ANGPTL2: variants seen among roughly 807,000 people sequenced by gnomAD.
The protein encoded by ANGPTL2 is angiopoietin like 2.
ANGPTL2 carries 25 observed loss-of-function variants against 52.8 expected under a neutral mutation model. The observed-to-expected ratio is 0.47, with a 90% confidence interval of 0.35 to 0.66. The LOEUF is 0.66. Ranked by LOEUF, ANGPTL2 falls within the 30% of genes least tolerant of loss-of-function variation. The probability of loss-of-function intolerance (pLI) is 0.01; values close to 1 mark genes in which losing one functional copy is unlikely to be tolerated. For missense variants in ANGPTL2, 546 were observed against 656.9 expected (o/e 0.83, Z 1.84); for synonymous variants, 276 against 277.4 (o/e 1.00, Z 0.05).
rs747744154 is a variant in ANGPTL2 at position 127,092,590 on chromosome 9, A to G, written c.1012-650T>C. On this transcript the variant is annotated intron_variant, in intron 3 of 4. Coordinates refer to ENST00000373425, the MANE Select transcript of ANGPTL2 (RefSeq NM_012098.3). Reference sequence around the variant, plus strand: ...GCTGGCACTGTTTTAAGAACTTTACATAGGTTGTTTTACTAATCCTCATGT... The same window carrying G: ...GCTGGCACTGTTTTAAGAACTTTACGTAGGTTGTTTTACTAATCCTCATGT... 4.6e-5 allele frequency among the ~76,000 whole-genome samples: 7 copies of G among 152,164 alleles called. No homozygotes were observed. In the East Asian group the frequency reaches 9.6e-4, roughly 21 times the overall value.
At position 127,088,628 on chromosome 9, in the gene ANGPTL2, A is replaced by G. The variant is rs2052058916; in HGVS notation, c.*311T>C. On this transcript the variant is annotated 3_prime_UTR_variant, in exon 5 of 5. Coordinates refer to ENST00000373425, the MANE Select transcript of ANGPTL2 (RefSeq NM_012098.3). The stretch of plus-strand genomic sequence containing the variant: ...ACAAGGGAGGCTCATACACATGTAT[A>G]TTATGAAGGTACTTTGCAGTTGTGT... 1 of 415,530 alleles carries G rather than the reference A, an allele frequency of 2.4e-6. No homozygotes were observed. 25.7% of individuals were successfully genotyped at this position (415,530 alleles called of 1,614,324 possible). A position where few individuals can be genotyped will look rare whatever the true frequency, so the allele number is the denominator to read the frequency against.
At chr9:127,101,958 C>T (rs1273315827) in intron 2 of ANGPTL2, among the ~76,000 whole-genome samples, 1 of 152,122 alleles carries the variant, frequency 6.6e-6, no homozygotes, top group East Asian at 1.9e-4. Context: ...TGTAGTTCCA[C>T]AGGCTCATCT....
At chr9:127,093,704 C>A in intron 3 of ANGPTL2, 29 bp downstream of exon 3, 1 of 1,610,852 alleles carries the variant, frequency 6.2e-7, no homozygotes, top group Non-Finnish European at 8.5e-7. Flanking sequence ...ACCTTGTGGG[C>A]AGCACAGACA....
chr9:127,104,939 G>A (rs1318731455), intron 2 of ANGPTL2, among the ~76,000 whole-genome samples: 1 of 152,214 alleles, frequency 6.6e-6, no homozygotes, highest in East Asian at 1.9e-4. Context: ...CAAGCTCTCT[G>A]AACAGACCTG....
At chr9:127,114,138 T>C (rs2055152109) in intron 1 of ANGPTL2, among the ~76,000 whole-genome samples, 1 of 152,218 alleles carries the variant, frequency 6.6e-6, no homozygotes, top group South Asian at 2.1e-4. Context: ...GGCCTGTTAT[T>C]TGAGGGCCGC....
intron 4 of ANGPTL2, among the ~76,000 whole-genome samples, chr9:127,090,501 G>A (rs1037364354): frequency 2.0e-5 from 3 of 152,214 alleles, no homozygotes; most frequent in African/African-American, 7.2e-5. Flanking sequence ...TACAGGGATG[G>A]GCAGGTCATG....
rs1451024172 is a variant in ANGPTL2 at position 127,088,342 on chromosome 9, C to G, written c.*597G>C. On this transcript the variant is annotated 3_prime_UTR_variant, in exon 5 of 5. Coordinates refer to ENST00000373425, the MANE Select transcript of ANGPTL2 (RefSeq NM_012098.3). ...GTGAGAGATTAGCATTGTAGACATT[C>G]TGGAAGAATCCAGGCACACAGATGC... The G allele has an allele frequency of 6.6e-6, 1 of 152,520 alleles. No homozygotes were observed. Among genetic ancestry groups the G allele is most frequent in the African/African-American group, 2.4e-5 (1 of 41,436 alleles). 9.4% of individuals were successfully genotyped at this position (152,520 alleles called of 1,614,324 possible).
At chr9:127,093,952 T>C in intron 2 of ANGPTL2, 26 bp from the exon 3 acceptor site, 4 of 1,603,582 alleles carry the variant, frequency 2.5e-6, no homozygotes, top group Non-Finnish European at 3.4e-6. Flanking sequence ...TGCATATACA[T>C]CACAGACCTG....
At chr9:127,121,733 C>G (rs905019515) in intron 1 of ANGPTL2, among the ~76,000 whole-genome samples, 1 of 152,240 alleles carries the variant, frequency 6.6e-6, no homozygotes. Context: ...GCAGCAGCCC[C>G]TGGGTGATGC....
intron 2 of ANGPTL2, among the ~76,000 whole-genome samples, chr9:127,105,888 G>A (rs2054170798): frequency 6.6e-6 from 1 of 152,214 alleles, no homozygotes; most frequent in Non-Finnish European, 1.5e-5. Context: ...TAGGGGCTCA[G>A]CAAATGTTGG....
chr9:127,089,661 C>T (rs1427348582), intron 4 of ANGPTL2, among the ~76,000 whole-genome samples: 1 of 152,218 alleles, frequency 6.6e-6, no homozygotes, highest in Non-Finnish European at 1.5e-5. Flanking sequence ...CCAGTCCTCC[C>T]CAGCTTGTAT....
intron 2 of ANGPTL2, among the ~76,000 whole-genome samples, chr9:127,095,484 A>G (rs982827179): frequency 3.3e-5 from 5 of 152,274 alleles, no homozygotes; most frequent in African/African-American, 7.2e-5. Flanking sequence ...TATGTTTTCT[A>G]TCAATTTGTA....
chr9:127,105,201 T>G (rs544532865), intron 2 of ANGPTL2, among the ~76,000 whole-genome samples: 2 of 152,152 alleles, frequency 1.3e-5, no homozygotes, highest in Admixed American at 1.3e-4. Context: ...GTACCAACAT[T>G]TGGGGATCCT....
At chr9:127,095,522 C>A (rs921345239) in intron 2 of ANGPTL2, among the ~76,000 whole-genome samples, 5 of 152,240 alleles carry the variant, frequency 3.3e-5, no homozygotes, top group Admixed American at 2.0e-4. Context: ...TGTATTGAGT[C>A]CCAGCCTCTG....
At position 127,094,157 on chromosome 9, in the gene ANGPTL2, C is replaced by T. The variant is rs77256660; in HGVS notation, c.818-231G>A. Among the ~76,000 whole-genome samples the T allele has an allele frequency of 4.3e-3, 662 of 152,250 alleles. 7 individuals carry two copies. The highest frequency in any genetic ancestry group is 0.015 in the African/African-American group (612 of 41,544). Reference sequence around the variant, plus strand: ...TCCAAGCTCACTTTCTCCTCTCACCCGCCTCACAGTTTGACTTTTGGCAGA... The same window carrying T: ...TCCAAGCTCACTTTCTCCTCTCACCTGCCTCACAGTTTGACTTTTGGCAGA... On this transcript the variant is annotated intron_variant, in intron 2 of 4. Transcript: ENST00000373425.
At position 127,093,811 on chromosome 9, in the gene ANGPTL2, G is replaced by T; in HGVS notation, c.933C>A (p.His311Gln). ...GGATGACGGTCCAGCCCCCGGGGTCGTGTCTCTGGTCGCACCACACCTGCA... is the reference window on the plus strand; with the variant it reads ...GGATGACGGTCCAGCCCCCGGGGTCTTGTCTCTGGTCGCACCACACCTGCA... ...RLMQVWCDQRHDPGGWTVIQR... is the reference protein window; with the variant it reads ...RLMQVWCDQRQDPGGWTVIQR... The change falls in exon 3 of 5, where the codon CAC becomes CAA. Residue 311 changes from histidine (H) to glutamine (Q), a missense_variant. His to Gln is a conservative substitution (Grantham distance 24, BLOSUM62 0). This residue lies in a region of ANGPTL2 where 261 missense variants were observed against 361.0 expected (regional missense o/e 0.72). Transcript: ENST00000373425. 1.2e-5 allele frequency: 20 copies of T among 1,613,986 alleles called. No individual in the cohort carries two copies. The highest frequency in any genetic ancestry group is 1.7e-5 in the Non-Finnish European group (20 of 1,180,014).
intron 1 of ANGPTL2, among the ~76,000 whole-genome samples, chr9:127,110,186 A>G (rs1349249826): frequency 1.3e-5 from 2 of 152,130 alleles, no homozygotes; most frequent in African/African-American, 4.8e-5. Flanking sequence ...CACCCTCATC[A>G]GGCTTTGCCC....
At chr9:127,112,929 G>A (rs146794042) in intron 1 of ANGPTL2, among the ~76,000 whole-genome samples, 46 of 152,298 alleles carry the variant, frequency 3.0e-4, no homozygotes, top group African/African-American at 1.1e-3. Flanking sequence ...ACTTACTAGT[G>A]TTATGCCCAT....
chr9:127,091,794 C>T lies in ANGPTL2; in HGVS notation c.1158G>A (p.Leu386=), dbSNP rs2052511012. 6.2e-7 allele frequency: 1 copy of T among 1,614,154 alleles called. No individual in the cohort carries two copies. Residue 386 remains leucine, a synonymous_variant, in exon 4 of 5, where the codon CTG becomes CTA. Coordinates refer to ENST00000373425, the MANE Select transcript of ANGPTL2 (RefSeq NM_012098.3). This position sits in a 1 kb window ranked among gnomAD's most constrained non-coding sequence, Gnocchi z 4.3. ...GCTTATAATACTCGCTCTCAGGTTC[C>T]AGGCGGAAACTGGCGTATTCTGCAA... ...KVFAEYASFR[L]EPESEYYKLR...
Sources: gnomAD v4.1 joint callset for allele counts (sites outside exome capture counted in the v4.1 genomes callset) on GRCh38, gnomAD v4.1.1 for gene constraint, gnomAD v4.1.1 regional missense constraint, Gnocchi (gnomAD v3.1) non-coding constraint, MANE v1.5 for transcripts, NCBI Gene and HGNC (gene_info 2026-07-23, HGNC 2026-07-21) for gene names.